The following GPR176 variants were observed in gnomAD, a reference collection of about 807,000 sequenced individuals.
GPR176 encodes G protein-coupled receptor 176.
Under a neutral mutation model 35.4 loss-of-function variants are expected in GPR176, and 26 were observed. That is an observed-to-expected ratio of 0.74 (90% CI 0.54 to 1.02). The LOEUF is 1.02. Ranked by LOEUF, GPR176 falls within the 50% of genes least tolerant of loss-of-function variation. The probability of loss-of-function intolerance (pLI) is 0.00; values close to 1 mark genes in which losing one functional copy is unlikely to be tolerated. For synonymous variants in GPR176, 278 were observed against 271.3 expected (o/e 1.02, Z -0.24); for missense variants, 597 against 665.3 (o/e 0.90, Z 1.13).
chr15:39,806,907 G>A, intron 2 of GPR176, 99 bp downstream of exon 2: 3 of 1,012,796 alleles, frequency 3.0e-6, no homozygotes, highest in Non-Finnish European at 4.3e-6. Context: ...TGACTAAAAA[G>A]CAGTATACGG....
intron 1 of GPR176, among the ~76,000 whole-genome samples, chr15:39,867,715 G>A (rs923113119): frequency 2.6e-5 from 4 of 152,154 alleles, no homozygotes; most frequent in Non-Finnish European, 5.9e-5. Context: ...AGCAGATCCT[G>A]GAGGCATATT....
At chr15:39,900,515 G>A (rs942723319) in intron 1 of GPR176, among the ~76,000 whole-genome samples, 2 of 152,192 alleles carry the variant, frequency 1.3e-5, no homozygotes, top group Non-Finnish European at 2.9e-5. Context: ...CCAAATGGAA[G>A]TACAGTTACT....
At chr15:39,865,455 T>C (rs529270570) in intron 1 of GPR176, among the ~76,000 whole-genome samples, 2 of 152,120 alleles carry the variant, frequency 1.3e-5, no homozygotes, top group South Asian at 4.1e-4. Flanking sequence ...AGACACAAAA[T>C]GACAAATACC....
rs112225228 is a variant in GPR176 at position 39,918,683 on chromosome 15, A to C, written c.172+1172T>G. ...TCTTAAAACACACACACACACACAC[A>C]CCCCTAGATATAGCAATAGTAGTAT... On this transcript the variant is annotated intron_variant, in intron 1 of 2. Coordinates refer to ENST00000561100, the MANE Select transcript of GPR176 (RefSeq NM_007223.3). Among the ~76,000 whole-genome samples the C allele has an allele frequency of 8.0e-3, 1,214 of 151,968 alleles. 19 individuals are homozygous for C. The highest frequency in any genetic ancestry group is 0.027 in the African/African-American group (1,126 of 41,374).
intron 1 of GPR176, among the ~76,000 whole-genome samples, chr15:39,849,399 C>A (rs1384549483): frequency 6.6e-6 from 1 of 151,898 alleles, no homozygotes; most frequent in Non-Finnish European, 1.5e-5. Context: ...TACTCTCTTC[C>A]AAAAAACAGA....
At chr15:39,841,276 T>C (rs545845491) in intron 1 of GPR176, among the ~76,000 whole-genome samples, 12 of 152,282 alleles carry the variant, frequency 7.9e-5, no homozygotes, top group African/African-American at 2.6e-4. Flanking sequence ...TGAGGCTCTA[T>C]GCTGAGCATT....
intron 1 of GPR176, among the ~76,000 whole-genome samples, chr15:39,894,284 G>A (rs1183547959): frequency 9.1e-6 from 1 of 109,792 alleles, no homozygotes; most frequent in East Asian, 3.1e-4. Context: ...CTCCCTCCCG[G>A]ACGGGGCGGC....
chr15:39,812,907 C>T (rs1011781251), intron 1 of GPR176, among the ~76,000 whole-genome samples: 3 of 151,750 alleles, frequency 2.0e-5, no homozygotes, highest in African/African-American at 7.3e-5. Flanking sequence ...CCATGCTTGG[C>T]TAATTTTTGT....
In GPR176 at chr15:39,800,039, C is replaced by T. The variant is rs368971226; in HGVS notation, c.*1093G>A. 116 of 152,328 alleles carry T rather than the reference C, an allele frequency of 7.6e-4. 1 individual carries two copies. Among genetic ancestry groups the T allele is most frequent in the African/African-American group, 2.6e-3 (107 of 41,560 alleles). 9.4% of individuals were successfully genotyped at this position (152,328 alleles called of 1,614,324 possible). On this transcript the variant is annotated 3_prime_UTR_variant, in exon 3 of 3. Coordinates refer to ENST00000561100, the MANE Select transcript of GPR176 (RefSeq NM_007223.3). ...AAGGAGACTGGCCACACCTGAGTTC[C>T]GGAGTCTTCCTCGGAAGGAAACCAT...
chr15:39,895,640 C>T (rs6492922), intron 1 of GPR176, among the ~76,000 whole-genome samples: 1,895 of 152,168 alleles, frequency 0.012, 48 homozygotes, highest in African/African-American at 0.041. Flanking sequence ...ACAAATACAA[C>T]TCTGTAAAAG....
intron 1 of GPR176, among the ~76,000 whole-genome samples, chr15:39,909,312 A>G (rs2033514420): frequency 6.6e-6 from 1 of 152,196 alleles, no homozygotes; most frequent in African/African-American, 2.4e-5. Flanking sequence ...CTCACGTAAT[A>G]GTTGGTACAT....
At position 39,801,246 on chromosome 15, in the gene GPR176, G is replaced by C. The variant is rs145915972; in HGVS notation, c.1434C>G (p.Pro478=). ...TRNSKKRLLP[P]LGNTPEELIQ... ...TCAGCTCTTCTGGGGTGTTGCCCAA[G>C]GGGGGAAGCAGCCGCTTCTTGCTGT... is the stretch of plus-strand genomic sequence containing the variant. Residue 478 remains proline (P), a synonymous_variant, in exon 3 of 3, where the codon CCC becomes CCG. Transcript: ENST00000561100. The C allele has an allele frequency of 8.5e-5, 137 of 1,613,898 alleles. No homozygotes were observed. The highest frequency in any genetic ancestry group is 9.6e-5 in the Non-Finnish European group (113 of 1,179,870).
chr15:39,864,756 G>T (rs1431901384), intron 1 of GPR176, among the ~76,000 whole-genome samples: 1 of 151,900 alleles, frequency 6.6e-6, no homozygotes, highest in African/African-American at 2.4e-5. Flanking sequence ...CAGACAACCT[G>T]CAGAATGGGA....
chr15:39,830,492 G>A (rs569399834), intron 1 of GPR176, among the ~76,000 whole-genome samples: 1 of 152,196 alleles, frequency 6.6e-6, no homozygotes, highest in Non-Finnish European at 1.5e-5. Context: ...ACAAAAGAGA[G>A]AGACAGGACT....
In GPR176 at chr15:39,801,010, T is replaced by C; in HGVS notation, c.*122A>G. The C allele has an allele frequency of 1.3e-6, 1 of 792,252 alleles. No homozygotes were observed. 49.1% of individuals were successfully genotyped at this position (792,252 alleles called of 1,614,324 possible). Reference sequence around the variant, plus strand: ...CTATCATTCAAAAGCATCTGGCCCATATTGGAGGAATCAACTCACACTGAG... The same window carrying C: ...CTATCATTCAAAAGCATCTGGCCCACATTGGAGGAATCAACTCACACTGAG... On this transcript the variant is annotated 3_prime_UTR_variant, in exon 3 of 3. Transcript: ENST00000561100.
chr15:39,889,122 C>T (rs2140856718), intron 1 of GPR176, among the ~76,000 whole-genome samples: 1 of 152,350 alleles, frequency 6.6e-6, no homozygotes, highest in South Asian at 2.1e-4. Context: ...GTGCTCCTGA[C>T]ATTGCAAGGT....
At chr15:39,878,904 C>T (rs1250359280) in intron 1 of GPR176, among the ~76,000 whole-genome samples, 1 of 152,214 alleles carries the variant, frequency 6.6e-6, no homozygotes, top group Non-Finnish European at 1.5e-5. Context: ...CTGAAGAAAC[C>T]CCTATGTATT....
intron 1 of GPR176, among the ~76,000 whole-genome samples, chr15:39,899,745 T>C (rs2033221362): frequency 6.6e-6 from 1 of 152,218 alleles, no homozygotes; most frequent in African/African-American, 2.4e-5. Flanking sequence ...AGACATAGTA[T>C]ATCTGGCTTT....
At chr15:39,838,284 C>T (rs967399038) in intron 1 of GPR176, among the ~76,000 whole-genome samples, 1 of 152,064 alleles carries the variant, frequency 6.6e-6, no homozygotes, top group Admixed American at 6.6e-5. Context: ...AAAATAAATG[C>T]CCCATTTGCT....
Sources: gnomAD v4.1 joint callset for allele counts (sites outside exome capture counted in the v4.1 genomes callset) on GRCh38, gnomAD v4.1.1 for gene constraint, MANE v1.5 for transcripts, NCBI Gene and HGNC (gene_info 2026-07-23, HGNC 2026-07-21) for gene names.